The following ERC2 variants were observed in gnomAD, a reference collection of about 807,000 sequenced individuals.
ERC2 encodes the protein ERC protein 2.
A neutral mutation model predicts 114.8 loss-of-function variants in ERC2; 42 were observed. That is an observed-to-expected ratio of 0.37 (90% CI 0.29 to 0.47). ERC2 has a LOEUF of 0.47. ERC2 is among the 20% of genes least tolerant of loss of function. The pLI is 0.99. For missense variants in ERC2, 939 were observed against 1,150.7 expected, an observed-to-expected ratio of 0.82 and a Z score of 2.66; for synonymous variants, 454 against 425.5, an observed-to-expected ratio of 1.07 and a Z score of -0.82.
chr3:56,018,815 AT>A (rs2149590134), intron 8 of ERC2, 78 bp downstream of exon 8: 1 of 1,498,260 alleles, frequency 6.7e-7, no homozygotes, highest in African/African-American at 1.4e-5. Flanking sequence ...AAGCAGGCAC[AT>A]TTAAATGCAT....
intron 15 of ERC2, among the ~76,000 whole-genome samples, chr3:55,709,682 CA>C (rs764049134): frequency 9.4e-4 from 143 of 152,318 alleles, no homozygotes; most frequent in Non-Finnish European, 1.8e-3. Context: ...AATGGAAGGG[CA>C]TAAACCTCCC....
intron 17 of ERC2, among the ~76,000 whole-genome samples, chr3:55,550,860 C>CA (rs1386217654): frequency 9.2e-5 from 14 of 151,754 alleles, no homozygotes; most frequent in East Asian, 3.9e-4. Flanking sequence ...ACTAAAAATA[C>CA]AAAAAATTAG....
intron 1 of ERC2, among the ~76,000 whole-genome samples, chr3:56,455,147 A>G (rs2063008051): frequency 6.6e-6 from 1 of 152,064 alleles, no homozygotes; most frequent in Non-Finnish European, 1.5e-5. Flanking sequence ...AACATTGCAA[A>G]TATACTTAGT....
At position 55,713,216 on chromosome 3, in the gene ERC2, A is replaced by G. The variant is rs1030061515; in HGVS notation, c.2713-13704T>C. 2.0e-5 allele frequency among the ~76,000 whole-genome samples: 3 copies of G among 151,678 alleles called. 1 individual carries two copies. The highest frequency in any genetic ancestry group is 7.3e-5 in the African/African-American group (3 of 41,230). ...CTTCATTCTTTTCCTTATTAAAAAA[A>G]AATTTTTTTTTGAGATGGAGTTTCA... On this transcript the variant is annotated intron_variant, in intron 15 of 17. Transcript: ENST00000288221.
intron 7 of ERC2, among the ~76,000 whole-genome samples, chr3:56,079,078 C>T (rs1477274785): frequency 2.0e-5 from 3 of 152,014 alleles, no homozygotes; most frequent in South Asian, 2.1e-4. Flanking sequence ...GTGGCTATTT[C>T]GAGCAGTTCT....
chr3:56,309,785 C>T (rs1264003461), intron 2 of ERC2, among the ~76,000 whole-genome samples: 1 of 152,236 alleles, frequency 6.6e-6, no homozygotes, highest in Non-Finnish European at 1.5e-5. Context: ...ATAATGAATG[C>T]TCCACAAATG....
chr3:56,312,352 G>A (rs748142366), intron 2 of ERC2, among the ~76,000 whole-genome samples: 12 of 152,186 alleles, frequency 7.9e-5, no homozygotes, highest in Non-Finnish European at 1.5e-5. Context: ...ATGAGGAGAG[G>A]TTGGTCAATG....
chr3:55,802,689 C>T (rs2059348428), intron 14 of ERC2, among the ~76,000 whole-genome samples: 1 of 152,124 alleles, frequency 6.6e-6, no homozygotes, highest in South Asian at 2.1e-4. Flanking sequence ...CAGACAAAAT[C>T]TTCAGAAGGT....
At chr3:56,031,072 G>T (rs1366736388) in intron 7 of ERC2, among the ~76,000 whole-genome samples, 1 of 152,046 alleles carries the variant, frequency 6.6e-6, no homozygotes. Flanking sequence ...ACACTTTCCA[G>T]TGAGGATCAG....
chr3:56,128,637 C>T (rs1419119480), intron 6 of ERC2, among the ~76,000 whole-genome samples: 1 of 152,178 alleles, frequency 6.6e-6, no homozygotes, highest in Non-Finnish European at 1.5e-5. Flanking sequence ...AATCCTCATG[C>T]CACTCCCTCA....
intron 4 of ERC2, among the ~76,000 whole-genome samples, chr3:56,152,497 C>A (rs2081473689): frequency 6.6e-6 from 1 of 152,068 alleles, no homozygotes; most frequent in Admixed American, 6.6e-5. Flanking sequence ...CTGTTCTAAG[C>A]CCAGCACTTA....
At chr3:55,722,800 GC>G (rs2064661082) in intron 15 of ERC2, among the ~76,000 whole-genome samples, 1 of 152,060 alleles carries the variant, frequency 6.6e-6, no homozygotes, top group African/African-American at 2.4e-5. Context: ...GTAGGATTCT[GC>G]CCCAAATCTA....
chr3:56,456,246 G>A (rs62254283), intron 1 of ERC2, among the ~76,000 whole-genome samples: 4,217 of 152,126 alleles, frequency 0.028, 81 homozygotes, highest in Non-Finnish European at 0.044. Flanking sequence ...TTGATTTCTC[G>A]TTACTTGTTT....
At chr3:55,603,505 G>A (rs201351510) in intron 17 of ERC2, among the ~76,000 whole-genome samples, 1 of 151,534 alleles carries the variant, frequency 6.6e-6, no homozygotes, top group Admixed American at 6.6e-5. Flanking sequence ...GGTGGTGGAC[G>A]CCTGTAGTCC....
intron 13 of ERC2, among the ~76,000 whole-genome samples, chr3:55,901,080 C>T (rs1178618973): frequency 1.3e-5 from 2 of 152,158 alleles, no homozygotes; most frequent in Non-Finnish European, 2.9e-5. Flanking sequence ...GCAAGAAAAT[C>T]CCTGGCTCAT....
intron 14 of ERC2, among the ~76,000 whole-genome samples, chr3:55,765,997 C>T (rs6809798): frequency 6.6e-6 from 1 of 152,184 alleles, no homozygotes; most frequent in Non-Finnish European, 1.5e-5. Flanking sequence ...ATACTGTACT[C>T]CAAATTGGGG....
intron 17 of ERC2, among the ~76,000 whole-genome samples, chr3:55,532,472 C>T (rs1261443018): frequency 6.6e-6 from 1 of 152,192 alleles, no homozygotes; most frequent in Non-Finnish European, 1.5e-5. Flanking sequence ...CCTCTATGTC[C>T]AGTGATATCT....
At chr3:56,385,079 T>A (rs2059887784) in intron 2 of ERC2, among the ~76,000 whole-genome samples, 1 of 152,180 alleles carries the variant, frequency 6.6e-6, no homozygotes, top group African/African-American at 2.4e-5. Context: ...GTGAAATGAA[T>A]AGATTCCACC....
At chr3:55,937,306 A>G (rs1371152042) in intron 13 of ERC2, among the ~76,000 whole-genome samples, 5 of 152,232 alleles carry the variant, frequency 3.3e-5, no homozygotes, top group Admixed American at 3.3e-4. Context: ...CCAAGATCAC[A>G]CTACTGCACT....
Sources: allele counts gnomAD v4.1 joint callset (sites outside exome capture counted in the v4.1 genomes callset), GRCh38; gene constraint gnomAD v4.1.1; transcripts MANE v1.5; gene names NCBI Gene and HGNC (gene_info 2026-07-23, HGNC 2026-07-21).